GAB2: variants seen among roughly 807,000 people sequenced by gnomAD.
The protein encoded by GAB2 is GRB2 associated binding protein 2.
A neutral mutation model predicts 65.5 loss-of-function variants in GAB2; 26 were observed. That is an observed-to-expected ratio of 0.40 (90% CI 0.29 to 0.55). The LOEUF is 0.55. GAB2 is among the 20% of genes least tolerant of loss of function. The probability of loss-of-function intolerance (pLI) is 0.53; values close to 1 mark genes in which losing one functional copy is unlikely to be tolerated. For synonymous variants in GAB2, 321 were observed against 329.6 expected (o/e 0.97, Z 0.28); for missense variants, 884 against 875.8 (o/e 1.01, Z -0.12).
chr11:78,321,831 T>C (rs1368734172), intron 1 of GAB2, among the ~76,000 whole-genome samples: 1 of 148,780 alleles, frequency 6.7e-6, no homozygotes, highest in Non-Finnish European at 1.5e-5. Flanking sequence ...AACCCAGAAA[T>C]AGGGCCACAC....
chr11:78,321,375 C>T (rs988049821), intron 1 of GAB2, among the ~76,000 whole-genome samples: 1 of 152,162 alleles, frequency 6.6e-6, no homozygotes, highest in African/African-American at 2.4e-5. Context: ...CCTCTATTAC[C>T]GATGGAACTT....
intron 1 of GAB2, among the ~76,000 whole-genome samples, chr11:78,369,797 T>A (rs1856543277): frequency 1.3e-5 from 2 of 152,206 alleles, no homozygotes; most frequent in African/African-American, 4.8e-5. Context: ...ACTATAAAGA[T>A]AATGAGAAAA....
At chr11:78,320,536 T>A (rs1434714219) in intron 1 of GAB2, among the ~76,000 whole-genome samples, 2 of 152,174 alleles carry the variant, frequency 1.3e-5, no homozygotes, top group Admixed American at 6.5e-5. Flanking sequence ...TCACTCTGGC[T>A]GCTGTGTGAA....
intron 1 of GAB2, among the ~76,000 whole-genome samples, chr11:78,342,321 T>C (rs1856109983): frequency 2.0e-5 from 3 of 152,066 alleles, no homozygotes; most frequent in African/African-American, 7.2e-5. Context: ...TTACCTTAAA[T>C]GCCACCTCCT....
intron 1 of GAB2, among the ~76,000 whole-genome samples, chr11:78,403,668 T>C (rs2135084477): frequency 6.6e-6 from 1 of 152,328 alleles, no homozygotes; most frequent in Middle Eastern, 3.4e-3. Flanking sequence ...CTCCAGGACA[T>C]TGGTCTGGGC....
At chr11:78,309,163 TC>T (rs1178095971) in intron 1 of GAB2, among the ~76,000 whole-genome samples, 1 of 152,140 alleles carries the variant, frequency 6.6e-6, no homozygotes, top group Non-Finnish European at 1.5e-5. Context: ...GATAAAAGTT[TC>T]AAGCTTGGGA....
intron 1 of GAB2, among the ~76,000 whole-genome samples, chr11:78,289,136 G>C (rs539326593): frequency 2.0e-5 from 3 of 152,242 alleles, no homozygotes; most frequent in East Asian, 3.9e-4. Flanking sequence ...GTCATGGTTC[G>C]TGCCTGTAAT....
At chr11:78,409,135 G>A (rs1317134967) in intron 1 of GAB2, among the ~76,000 whole-genome samples, 1 of 152,012 alleles carries the variant, frequency 6.6e-6, no homozygotes, top group African/African-American at 2.4e-5. Context: ...TCAGATATAG[G>A]CTATAATATA....
intron 3 of GAB2, among the ~76,000 whole-genome samples, chr11:78,233,607 T>A (rs924163963): frequency 6.6e-6 from 1 of 151,488 alleles, no homozygotes; most frequent in Non-Finnish European, 1.5e-5. Flanking sequence ...ATTTTGTGAT[T>A]TGTCTTTTTT....
intron 3 of GAB2, among the ~76,000 whole-genome samples, chr11:78,228,228 T>A (rs766504895): frequency 5.9e-5 from 9 of 152,230 alleles, no homozygotes; most frequent in Non-Finnish European, 1.3e-4. Context: ...TTCCAGGTTC[T>A]CTGTAAGTGC....
At position 78,250,319 on chromosome 11, in the gene GAB2, A is replaced by G. The variant is rs762907321; in HGVS notation, c.458T>C (p.Leu153Pro). The G allele has an allele frequency of 5.0e-6, 8 of 1,613,498 alleles. No homozygotes were observed. The Admixed American group carries it at 1.3e-4, about 27-fold the overall frequency. ...AELSSSSQHL[L>P]RERKSSAPSH... is the part of the protein sequence containing the mutation. ...TGGGGCTGAGGACTTGCGCTCTCGG[A>G]GAAGGTGCTGGCTAGAGCTGCTGAG... Residue 153 changes from leucine to proline, a missense_variant, in exon 3 of 10, where the codon CTC (leucine) becomes CCC (proline). Coordinates refer to ENST00000361507, the MANE Select transcript of GAB2 (RefSeq NM_080491.3).
chr11:78,221,999 G>T, intron 7 of GAB2, 106 bp downstream of exon 7: 1 of 792,368 alleles, frequency 1.3e-6, no homozygotes, highest in Non-Finnish European at 2.3e-6. Context: ...TAATGATAGC[G>T]TTAGCATCAG....
At chr11:78,378,847 A>G (rs1313225797) in intron 1 of GAB2, among the ~76,000 whole-genome samples, 3 of 152,120 alleles carry the variant, frequency 2.0e-5, no homozygotes, top group African/African-American at 7.2e-5. Flanking sequence ...ATATCCACTT[A>G]CCATACCAAC....
chr11:78,277,428 T>C (rs1405805040), intron 2 of GAB2, among the ~76,000 whole-genome samples: 1 of 152,146 alleles, frequency 6.6e-6, no homozygotes, highest in African/African-American at 2.4e-5. Context: ...CTCTCTAAAA[T>C]AACAACTGGT....
intron 1 of GAB2, among the ~76,000 whole-genome samples, chr11:78,405,706 A>G (rs1049450464): frequency 2.0e-5 from 3 of 152,210 alleles, no homozygotes; most frequent in Non-Finnish European, 2.9e-5. Context: ...GGTGAAGAGT[A>G]GGCGGCAGAT....
At chr11:78,371,891 T>G (rs1283079207) in intron 1 of GAB2, among the ~76,000 whole-genome samples, 1 of 152,200 alleles carries the variant, frequency 6.6e-6, no homozygotes, top group Non-Finnish European at 1.5e-5. Context: ...CATCTCTTAT[T>G]ACAAGGGTAA....
intron 1 of GAB2, among the ~76,000 whole-genome samples, chr11:78,412,990 C>T (rs1391252705): frequency 5.9e-5 from 9 of 152,148 alleles, no homozygotes; most frequent in Admixed American, 5.2e-4. Flanking sequence ...TAGTGGGTGA[C>T]GGGGAGTCAA....
intron 1 of GAB2, among the ~76,000 whole-genome samples, chr11:78,355,119 A>C (rs1358280969): frequency 6.6e-6 from 1 of 152,244 alleles, no homozygotes; most frequent in African/African-American, 2.4e-5. Flanking sequence ...GCATTAGTGT[A>C]ATAGAGATCC....
At chr11:78,404,300 T>C (rs1201960324) in intron 1 of GAB2, among the ~76,000 whole-genome samples, 3 of 152,308 alleles carry the variant, frequency 2.0e-5, no homozygotes, top group East Asian at 3.9e-4. Flanking sequence ...CCCAGCACTT[T>C]AGGAGGCCAA....
Sources: allele counts gnomAD v4.1 joint callset (sites outside exome capture counted in the v4.1 genomes callset), GRCh38; gene constraint gnomAD v4.1.1; transcripts MANE v1.5; gene names NCBI Gene and HGNC (gene_info 2026-07-23, HGNC 2026-07-21).